ARL15: variants seen among roughly 807,000 people sequenced by gnomAD.
ARL15 encodes ADP-ribosylation factor-like protein 15.
ARL15 carries 19 observed loss-of-function variants against 25.2 expected under a neutral mutation model. That is an observed-to-expected ratio of 0.75 (90% confidence interval 0.53 to 1.10). The LOEUF is 1.10. Ranked by LOEUF, ARL15 falls within the 50% of genes least tolerant of loss-of-function variation. The pLI is 0.00. For missense variants in ARL15, 220 were observed against 246.0 expected, an observed-to-expected ratio of 0.89 and a Z score of 0.71; for synonymous variants, 94 against 86.8, an observed-to-expected ratio of 1.08 and a Z score of -0.46.
chr5:54,087,933 C>G (rs1227258707), intron 4 of ARL15, among the ~76,000 whole-genome samples: 1 of 152,168 alleles, frequency 6.6e-6, no homozygotes, highest in Non-Finnish European at 1.5e-5. Flanking sequence ...GCCTTGGCCT[C>G]GCAAAGTGCT....
In ARL15 at chr5:54,245,363, C is replaced by T. The variant is rs117210092; in HGVS notation, c.48+65069G>A. On this transcript the variant is annotated intron_variant, in intron 1 of 4. Transcript: ENST00000504924. ...CTTCAGTGAAAACTTTTAAAAACTT[C>T]TTTCAGGTTAAATGAGCAGACACTT... is the stretch of plus-strand genomic sequence containing the variant. Among the ~76,000 whole-genome samples the T allele has an allele frequency of 1.2e-3, 182 of 152,302 alleles. 3 individuals carry two copies. The East Asian group carries it at 0.033, about 27-fold the overall frequency.
rs187789785 is a variant in ARL15, at chr5:54,243,504, C to T, written c.48+66928G>A. Among the ~76,000 whole-genome samples, 42 of 152,214 alleles carry T rather than the reference C, an allele frequency of 2.8e-4. No individual in the cohort carries two copies. The East Asian group carries it at 7.3e-3, about 27-fold the overall frequency. ...TATTGATAAAAGGCTTTTAATAAGT[C>T]GTAGTACAGATAGAAACACATGTAT... On this transcript the variant is annotated intron_variant, in intron 1 of 4. Transcript: ENST00000504924.
chr5:54,211,378 C>G (rs1483606091), intron 1 of ARL15, among the ~76,000 whole-genome samples: 1 of 151,656 alleles, frequency 6.6e-6, no homozygotes. Flanking sequence ...ACAATTTTAT[C>G]TGAGCATTAG....
At chr5:54,108,495 TACAA>T (rs1454193863) in intron 4 of ARL15, among the ~76,000 whole-genome samples, 5 of 152,130 alleles carry the variant, frequency 3.3e-5, no homozygotes, top group Admixed American at 3.3e-4. Flanking sequence ...ATGATTATTT[TACAA>T]ACACATTTCT....
intron 3 of ARL15, among the ~76,000 whole-genome samples, chr5:54,134,285 G>A (rs1561237184): frequency 6.6e-6 from 1 of 152,178 alleles, no homozygotes; most frequent in Non-Finnish European, 1.5e-5. Flanking sequence ...ATCATTTCAG[G>A]AAAGTATTTG....
intron 2 of ARL15, among the ~76,000 whole-genome samples, chr5:54,163,356 C>CTTTTTTT (rs869196680): frequency 1.3e-4 from 7 of 55,646 alleles, no homozygotes; most frequent in Non-Finnish European, 1.4e-4. Flanking sequence ...TGGTATGAAG[C>CTTTTTTT]TTTTTTTTTT....
intron 4 of ARL15, among the ~76,000 whole-genome samples, chr5:54,099,935 T>C (rs182279380): frequency 3.3e-4 from 50 of 152,274 alleles, no homozygotes; most frequent in African/African-American, 1.1e-3. Flanking sequence ...TCTTACTGTT[T>C]GTCATCTCCA....
intron 4 of ARL15, among the ~76,000 whole-genome samples, chr5:54,081,586 G>C (rs1297589054): frequency 6.6e-6 from 1 of 152,046 alleles, no homozygotes; most frequent in African/African-American, 2.4e-5. Flanking sequence ...GTAATAGTGA[G>C]TTCCCATGAG....
chr5:53,939,450 T>C (rs773643292), intron 4 of ARL15, among the ~76,000 whole-genome samples: 14 of 152,198 alleles, frequency 9.2e-5, no homozygotes, highest in Admixed American at 2.6e-4. Flanking sequence ...GCAAGTTAGA[T>C]GCTGGGCCGG....
intron 4 of ARL15, among the ~76,000 whole-genome samples, chr5:53,926,198 T>C (rs1303610706): frequency 6.6e-6 from 1 of 152,020 alleles, no homozygotes; most frequent in African/African-American, 2.4e-5. Context: ...TCAACCAAGA[T>C]ACTAAAGCCA....
chr5:54,077,761 C>G (rs1159364782), intron 4 of ARL15, among the ~76,000 whole-genome samples: 1 of 152,126 alleles, frequency 6.6e-6, no homozygotes. Context: ...TCCAGGTAAG[C>G]TGTCTGTCAT....
rs192458878 is a variant in ARL15 at position 54,071,059 on chromosome 5, A to G, written c.462+42143T>C. Among the ~76,000 whole-genome samples, 923 of 151,660 alleles carry G rather than the reference A, an allele frequency of 6.1e-3. 3 individuals are homozygous for G. Among genetic ancestry groups the G allele is most frequent in the Non-Finnish European group, 9.3e-3 (631 of 67,854 alleles). ...GTGGCACATGCCTGCAGTCCCTGCT[A>G]CTTGGGAGGCTGAGGTGCAAGGATC... On this transcript the variant is annotated intron_variant, in intron 4 of 4. Coordinates refer to ENST00000504924, the MANE Select transcript of ARL15 (RefSeq NM_019087.3).
intron 4 of ARL15, among the ~76,000 whole-genome samples, chr5:53,922,627 G>GC (rs1745891075): frequency 6.6e-6 from 1 of 152,188 alleles, no homozygotes. Flanking sequence ...AAATTGTGGA[G>GC]CAGCCCAAGA....
chr5:53,901,587 G>A (rs1745065659), intron 4 of ARL15, among the ~76,000 whole-genome samples: 1 of 136,526 alleles, frequency 7.3e-6, no homozygotes, highest in South Asian at 2.3e-4. Flanking sequence ...TTAACTAGAT[G>A]CATTCACCAT....
intron 1 of ARL15, among the ~76,000 whole-genome samples, chr5:54,221,175 T>C (rs1348110930): frequency 6.6e-6 from 1 of 152,046 alleles, no homozygotes; most frequent in Non-Finnish European, 1.5e-5. Flanking sequence ...AACTAACAAC[T>C]TTCTTGTATG....
intron 1 of ARL15, among the ~76,000 whole-genome samples, chr5:54,215,262 G>A (rs1756161918): frequency 6.6e-6 from 1 of 151,920 alleles, no homozygotes; most frequent in Non-Finnish European, 1.5e-5. Flanking sequence ...ATATTCTGTG[G>A]AAGACAAAAT....
intron 4 of ARL15, among the ~76,000 whole-genome samples, chr5:53,978,114 GA>G (rs772916161): frequency 3.9e-5 from 6 of 151,992 alleles, no homozygotes; most frequent in African/African-American, 1.2e-4. Context: ...AAGAAAGGGG[GA>G]AAAAAAGGAA....
intron 4 of ARL15, among the ~76,000 whole-genome samples, chr5:54,101,180 T>C (rs1165231728): frequency 1.3e-5 from 2 of 152,008 alleles, no homozygotes; most frequent in Non-Finnish European, 2.9e-5. Context: ...GTGGTGAAAG[T>C]AAACCCACAA....
intron 1 of ARL15, among the ~76,000 whole-genome samples, chr5:54,218,929 A>C (rs1756294717): frequency 6.6e-6 from 1 of 151,844 alleles, no homozygotes; most frequent in Non-Finnish European, 1.5e-5. Context: ...AATGTAAAAT[A>C]TATATATAAT....
Sources: allele counts gnomAD v4.1 joint callset (sites outside exome capture counted in the v4.1 genomes callset), GRCh38; gene constraint gnomAD v4.1.1; transcripts MANE v1.5; gene names NCBI Gene and HGNC (gene_info 2026-07-23, HGNC 2026-07-21).